Variants in ADAMTS3 observed in about 807,000 individuals in gnomAD.
The protein encoded by ADAMTS3 is A disintegrin and metalloproteinase with thrombospondin motifs 3.
Under a neutral mutation model 129.0 loss-of-function variants are expected in ADAMTS3, and 73 were observed. The observed-to-expected ratio is 0.57, with a 90% confidence interval of 0.47 to 0.69. ADAMTS3 has a LOEUF of 0.69. ADAMTS3 is among the 30% of genes least tolerant of loss of function. ADAMTS3 has a pLI of 0.00. For synonymous variants in ADAMTS3, 477 were observed against 510.8 expected (o/e 0.93, Z 0.89); for missense variants, 1,457 against 1,514.5 (o/e 0.96, Z 0.63).
chr4:72,527,773 A>G (rs1315534367), intron 3 of ADAMTS3, among the ~76,000 whole-genome samples: 2 of 152,216 alleles, frequency 1.3e-5, no homozygotes, highest in African/African-American at 4.8e-5. Flanking sequence ...AAAGAAGCAC[A>G]GGGTTACAAG....
intron 3 of ADAMTS3, among the ~76,000 whole-genome samples, chr4:72,477,342 T>C (rs1719267176): frequency 6.6e-6 from 1 of 152,094 alleles, no homozygotes; most frequent in Non-Finnish European, 1.5e-5. Context: ...ACAAACTGTC[T>C]CTCAGACCAC....
chr4:72,339,220 T>C (rs543012159), intron 5 of ADAMTS3, among the ~76,000 whole-genome samples: 1 of 152,340 alleles, frequency 6.6e-6, no homozygotes, highest in African/African-American at 2.4e-5. Context: ...ATTCATGTTT[T>C]AATTCCATCT....
intron 2 of ADAMTS3, among the ~76,000 whole-genome samples, chr4:72,551,613 C>T (rs530864027): frequency 1.1e-4 from 16 of 152,028 alleles, no homozygotes; most frequent in Admixed American, 2.6e-4. Flanking sequence ...CAGTCACCTG[C>T]CATTTATTAG....
intron 3 of ADAMTS3, among the ~76,000 whole-genome samples, chr4:72,423,651 A>C (rs1217920561): frequency 1.3e-5 from 2 of 152,042 alleles, no homozygotes; most frequent in Admixed American, 1.3e-4. Context: ...TGGTTTTACT[A>C]TATGCAGATG....
intron 3 of ADAMTS3, among the ~76,000 whole-genome samples, chr4:72,488,652 T>C: frequency 6.6e-6 from 1 of 152,112 alleles, no homozygotes; most frequent in Non-Finnish European, 1.5e-5. Flanking sequence ...ATTTACTATT[T>C]ATAATTGACA....
chr4:72,435,114 G>A (rs1246065769), intron 3 of ADAMTS3, among the ~76,000 whole-genome samples: 1 of 151,714 alleles, frequency 6.6e-6, no homozygotes, highest in Non-Finnish European at 1.5e-5. Context: ...ATTTTAACCG[G>A]TCAGATCACC....
At chr4:72,443,994 T>C (rs969464877) in intron 3 of ADAMTS3, among the ~76,000 whole-genome samples, 1 of 151,684 alleles carries the variant, frequency 6.6e-6, no homozygotes, top group African/African-American at 2.4e-5. Flanking sequence ...GTAATCACCA[T>C]AGTGAATAGC....
rs1375262815 is a variant in ADAMTS3, at chr4:72,339,642, T to A, written c.713A>T (p.His238Leu). 6.2e-7 allele frequency: 1 copy of A among 1,613,786 alleles called. No homozygotes were observed. The highest frequency in any genetic ancestry group is 1.3e-5 in the African/African-American group (1 of 74,874). ...TCTCATTGTTTCATTCAGCTGCTGG[T>A]GGATGTTGCCATAAACAGTACCTAG... ...DDLGTVYGNI[H>L]QQLNETMRRR... is the part of the protein sequence containing the mutation. Residue 238 changes from histidine (H) to leucine (L), a missense_variant, in exon 5 of 22, where the codon CAC (histidine) becomes CTC (leucine). By Grantham distance (99) the His-to-Leu change is moderately conservative. Transcript: ENST00000286657.
chr4:72,332,216 A>G (rs924537620), intron 5 of ADAMTS3, among the ~76,000 whole-genome samples: 3 of 151,422 alleles, frequency 2.0e-5, no homozygotes, highest in African/African-American at 7.4e-5. Flanking sequence ...CTCACATTCA[A>G]TGTTTTCAAA....
At chr4:72,303,148 T>C (rs1302613169) in intron 17 of ADAMTS3, among the ~76,000 whole-genome samples, 1 of 152,090 alleles carries the variant, frequency 6.6e-6, no homozygotes, top group East Asian at 1.9e-4. Context: ...CCACAGACTC[T>C]CTTCTGTGCT....
intron 3 of ADAMTS3, among the ~76,000 whole-genome samples, chr4:72,417,766 T>A (rs1375128441): frequency 6.6e-6 from 1 of 151,050 alleles, no homozygotes; most frequent in Non-Finnish European, 1.5e-5. Flanking sequence ...CTGTCTCTAC[T>A]AAAAATACAA....
chr4:72,312,514 A>T, intron 12 of ADAMTS3, 48 bp from the exon 13 acceptor site: 2 of 1,590,378 alleles, frequency 1.3e-6, no homozygotes, highest in Non-Finnish European at 1.7e-6. Context: ...TCTGTCTAGC[A>T]GTTGAAGCTT....
intron 3 of ADAMTS3, among the ~76,000 whole-genome samples, chr4:72,425,432 C>T (rs1722546828): frequency 1.3e-5 from 2 of 152,028 alleles, no homozygotes; most frequent in Non-Finnish European, 2.9e-5. Flanking sequence ...GTGCTGCACC[C>T]ATTAACTCGT....
At chr4:72,384,105 G>GA (rs893783125) in intron 4 of ADAMTS3, among the ~76,000 whole-genome samples, 1 of 151,864 alleles carries the variant, frequency 6.6e-6, no homozygotes, top group African/African-American at 2.4e-5. Flanking sequence ...TCAATAAACA[G>GA]AAAATATCCA....
chr4:72,396,490 T>G (rs1721728445), intron 4 of ADAMTS3, among the ~76,000 whole-genome samples: 1 of 151,934 alleles, frequency 6.6e-6, no homozygotes, highest in Non-Finnish European at 1.5e-5. Context: ...ACACCCACAC[T>G]GGATAATGAA....
intron 4 of ADAMTS3, among the ~76,000 whole-genome samples, chr4:72,384,913 A>C (rs1265742624): frequency 3.9e-5 from 6 of 152,204 alleles, no homozygotes; most frequent in Non-Finnish European, 8.8e-5. Context: ...TCACGCCTGT[A>C]ATCCCAGCAC....
At chr4:72,529,807 TTA>T (rs1273818003) in intron 3 of ADAMTS3, among the ~76,000 whole-genome samples, 2 of 93,940 alleles carry the variant, frequency 2.1e-5, no homozygotes, top group South Asian at 2.7e-4. Flanking sequence ...ATAATATATA[TTA>T]TATATAATAA....
chr4:72,523,781 C>A (rs28520614), intron 3 of ADAMTS3, among the ~76,000 whole-genome samples: 8 of 151,382 alleles, frequency 5.3e-5, no homozygotes, highest in Admixed American at 2.6e-4. Context: ...TTAGATCATA[C>A]GAAAAGATGA....
At chr4:72,333,848 CTTTTTT>C (rs6148516) in intron 5 of ADAMTS3, among the ~76,000 whole-genome samples, 3,065 of 99,484 alleles carry the variant, frequency 0.031, 150 homozygotes, top group African/African-American at 0.11. Flanking sequence ...TGTTTGCTTG[CTTTTTT>C]TTTTTTTTTT....
Sources: gnomAD v4.1 joint callset for allele counts (sites outside exome capture counted in the v4.1 genomes callset) on GRCh38, gnomAD v4.1.1 for gene constraint, MANE v1.5 for transcripts, NCBI Gene and HGNC (gene_info 2026-07-23, HGNC 2026-07-21) for gene names.